ARLN: variants seen among roughly 807,000 people sequenced by gnomAD.
ARLN encodes sarcoplasmic/endoplasmic reticulum calcium ATPase regulator ARLN.
the ARLN span, chr4:119,304,396 A>G: frequency 6.5e-7 from 1 of 1,536,820 alleles, no homozygotes; most frequent in South Asian, 1.2e-5. Context: ...ATTTCCCTCT[A>G]CATTCTGTAA....
At chr4:119,300,176 C>T in the ARLN span, among the ~76,000 whole-genome samples, 1 of 151,732 alleles carries the variant, frequency 6.6e-6, no homozygotes, top group Non-Finnish European at 1.5e-5. Flanking sequence ...GGACATTTTA[C>T]TCCTAGTCCT....
chr4:119,300,230 C>T, the ARLN span: 1 of 926,420 alleles, frequency 1.1e-6, no homozygotes, highest in Non-Finnish European at 1.7e-6. Context: ...GCTGTGTGAT[C>T]TTGGACATAT....
chr4:119,296,760 TAATCTCTTCTGG>T, the ARLN span: 1 of 152,218 alleles, frequency 6.6e-6, no homozygotes, highest in Non-Finnish European at 1.5e-5. Flanking sequence ...ATTCAAATGC[TAATCTCTTCTGG>T]AAACACCCTC....
At chr4:119,301,543 G>A in the ARLN span, among the ~76,000 whole-genome samples, 2 of 152,064 alleles carry the variant, frequency 1.3e-5, no homozygotes, top group Non-Finnish European at 2.9e-5. Context: ...ATTTTACCTC[G>A]TGGGTCCAAT....
At chr4:119,299,006 C>T in the ARLN span, among the ~76,000 whole-genome samples, 1 of 152,164 alleles carries the variant, frequency 6.6e-6, no homozygotes, top group African/African-American at 2.4e-5. Flanking sequence ...GAGTAAAACT[C>T]TCCCTTTACA....
the ARLN span, chr4:119,300,812 T>C: frequency 6.9e-7 from 1 of 1,439,688 alleles, no homozygotes; most frequent in Non-Finnish European, 9.1e-7. Flanking sequence ...CCCAGGCAGA[T>C]AGCTGGTTAT....
the ARLN span, among the ~76,000 whole-genome samples, chr4:119,303,835 C>T: frequency 6.6e-6 from 1 of 152,188 alleles, no homozygotes; most frequent in African/African-American, 2.4e-5. Context: ...GTTATTGTGC[C>T]ACTGCACTTC....
chr4:119,301,041 C>T, the ARLN span: 3 of 373,908 alleles, frequency 8.0e-6, no homozygotes, highest in Non-Finnish European at 1.4e-5. Context: ...AGGTGGACGT[C>T]CTACTCACGG....
chr4:119,303,277 A>G, the ARLN span, among the ~76,000 whole-genome samples: 2 of 133,994 alleles, frequency 1.5e-5, no homozygotes, highest in Non-Finnish European at 3.1e-5. Flanking sequence ...TCTGTCGCCC[A>G]GGCTGGAGTG....
the ARLN span, chr4:119,300,311 C>T: frequency 2.5e-6 from 4 of 1,581,416 alleles, no homozygotes; most frequent in Non-Finnish European, 3.5e-6. Context: ...CCTTACCACC[C>T]CAATTTTGCA....
At chr4:119,300,595 T>C in the ARLN span, 17 of 1,612,210 alleles carry the variant, frequency 1.1e-5, no homozygotes, top group East Asian at 3.1e-4. Flanking sequence ...TCCCGGACTT[T>C]GGTGTTCGCC....
the ARLN span, chr4:119,300,240 T>C: frequency 1.5e-5 from 15 of 1,013,672 alleles, no homozygotes; most frequent in East Asian, 1.9e-4. Flanking sequence ...CTTGGACATA[T>C]ATAAACTCTC....
At chr4:119,303,609 C>T in the ARLN span, among the ~76,000 whole-genome samples, 11 of 152,092 alleles carry the variant, frequency 7.2e-5, no homozygotes, top group South Asian at 4.1e-4. Flanking sequence ...ATCTGCTGGG[C>T]GCTGTTGTTC....
chr4:119,301,068 G>C, the ARLN span: 2 of 332,376 alleles, frequency 6.0e-6, no homozygotes, highest in Non-Finnish European at 1.1e-5. Flanking sequence ...GTTTCCAAAC[G>C]GGCCAGAGAG....
chr4:119,297,114 T>C, the ARLN span: 2 of 152,272 alleles, frequency 1.3e-5, no homozygotes, highest in African/African-American at 4.8e-5. Flanking sequence ...GTTCACACAG[T>C]TGATTTGGTA....
At chr4:119,304,212 T>C in the ARLN span, 77 of 1,472,716 alleles carry the variant, frequency 5.2e-5, no homozygotes, top group Non-Finnish European at 5.9e-5. Flanking sequence ...ACAATTCACA[T>C]TGATCTCTCC....
the ARLN span, among the ~76,000 whole-genome samples, chr4:119,301,349 G>A: frequency 6.6e-6 from 1 of 151,888 alleles, no homozygotes; most frequent in Admixed American, 6.6e-5. Flanking sequence ...GCTTGAACCC[G>A]GGAGGCGGAG....
At chr4:119,299,908 T>C in the ARLN span, among the ~76,000 whole-genome samples, 6 of 152,144 alleles carry the variant, frequency 3.9e-5, no homozygotes, top group Non-Finnish European at 8.8e-5. Flanking sequence ...AAAATAGCTT[T>C]CGTTGAGCAC....
At chr4:119,304,344 G>C in the ARLN span, 16 of 1,536,860 alleles carry the variant, frequency 1.0e-5, 1 homozygote, top group Middle Eastern at 1.7e-4. Flanking sequence ...AGTGAATGAA[G>C]TATTTGTTTC....
Sources: gnomAD v4.1 joint callset for allele counts (sites outside exome capture counted in the v4.1 genomes callset) on GRCh38, gnomAD v4.1.1 for gene constraint, MANE v1.5 for transcripts, NCBI Gene and HGNC (gene_info 2026-07-23, HGNC 2026-07-21) for gene names.